CSMD2: variants seen among roughly 807,000 people sequenced by gnomAD.
CSMD2 encodes CUB and sushi domain-containing protein 2.
Under a neutral mutation model 398.5 loss-of-function variants are expected in CSMD2, and 130 were observed. The observed-to-expected ratio is 0.33, with a 90% CI of 0.28 to 0.38. The LOEUF is 0.38. Ranked by LOEUF, CSMD2 falls within the 10% of genes least tolerant of loss-of-function variation. The probability of loss-of-function intolerance (pLI) is 1.00; values close to 1 mark genes in which losing one functional copy is unlikely to be tolerated. For missense variants in CSMD2, 3,829 were observed against 4,764.9 expected, an observed-to-expected ratio of 0.80 and a Z score of 5.78; for synonymous variants, 1,828 against 1,908.5, an observed-to-expected ratio of 0.96 and a Z score of 1.10.
chr1:34,145,725 G>A (rs1639707394), intron 1 of CSMD2, among the ~76,000 whole-genome samples: 1 of 152,142 alleles, frequency 6.6e-6, no homozygotes, highest in Non-Finnish European at 1.5e-5. Flanking sequence ...GAGGCATTTA[G>A]GAGTCTTTTC....
chr1:33,656,259 G>C (rs1482319694), intron 27 of CSMD2, among the ~76,000 whole-genome samples: 2 of 152,180 alleles, frequency 1.3e-5, no homozygotes, highest in African/African-American at 4.8e-5. Context: ...TACCCTCAGA[G>C]ATAAGGAAAC....
intron 2 of CSMD2, among the ~76,000 whole-genome samples, chr1:34,066,868 G>A (rs1010008955): frequency 4.6e-5 from 7 of 152,200 alleles, no homozygotes; most frequent in Non-Finnish European, 1.0e-4. Context: ...CTGCAGCTGA[G>A]CAGGAATGGT....
At chr1:34,090,454 C>G (rs1658425758) in intron 1 of CSMD2, among the ~76,000 whole-genome samples, 1 of 152,178 alleles carries the variant, frequency 6.6e-6, no homozygotes, top group Non-Finnish European at 1.5e-5. Context: ...ACGTCATGAT[C>G]CAGGCCAGCC....
At position 34,077,218 on chromosome 1, in the gene CSMD2, G is replaced by T. The variant is rs894891586; in HGVS notation, c.404+11759C>A. On this transcript the variant is annotated intron_variant, in intron 2 of 70. Coordinates refer to ENST00000373381, the MANE Select transcript of CSMD2 (RefSeq NM_001281956.2). ...CACGCCTGTAATCCCAGCACTTTGG[G>T]AGGCCGAGGAGGGTGGATCACAAGG... is the stretch of plus-strand genomic sequence containing the variant. 6.0e-4 allele frequency among the ~76,000 whole-genome samples: 91 copies of T among 151,808 alleles called. 1 individual carries two copies. The highest frequency in any genetic ancestry group is 1.0e-3 in the Non-Finnish European group (69 of 67,952).
chr1:33,595,603 T>C (rs1310184452), intron 44 of CSMD2, among the ~76,000 whole-genome samples: 2 of 152,224 alleles, frequency 1.3e-5, no homozygotes, highest in African/African-American at 4.8e-5. Context: ...GTCACCACCA[T>C]TTGTTACTAT....
At chr1:33,560,058 G>A (rs1239329262) in intron 53 of CSMD2, among the ~76,000 whole-genome samples, 1 of 152,168 alleles carries the variant, frequency 6.6e-6, no homozygotes, top group African/African-American at 2.4e-5. Context: ...GGAGTAATGA[G>A]CTGGCATGTT....
At chr1:34,150,877 A>G (rs1440398962) in intron 1 of CSMD2, among the ~76,000 whole-genome samples, 6 of 152,272 alleles carry the variant, frequency 3.9e-5, no homozygotes, top group Middle Eastern at 3.4e-3. Context: ...ACATGATCAT[A>G]CCACTGCACT....
intron 5 of CSMD2, among the ~76,000 whole-genome samples, chr1:33,912,017 C>T (rs929233566): frequency 2.6e-5 from 4 of 152,174 alleles, no homozygotes; most frequent in East Asian, 1.9e-4. Flanking sequence ...GCATCCTTCT[C>T]GACCTGTCTC....
rs116117965 is a variant in CSMD2, at chr1:33,978,903, G to C, written c.518-42949C>G. Among the ~76,000 whole-genome samples, 721 of 152,270 alleles carry C rather than the reference G, an allele frequency of 4.7e-3. 7 individuals are homozygous for C. The highest frequency in any genetic ancestry group is 0.016 in the African/African-American group (683 of 41,542). On this transcript the variant is annotated intron_variant, in intron 3 of 70. Transcript: ENST00000373381. ...TCCTCTTAACAACTCCAAGAAGTGA[G>C]TACTATTGCCATCTCTATTTTACAG...
chr1:33,547,333 C>T (rs1166879756), intron 56 of CSMD2, among the ~76,000 whole-genome samples: 1 of 152,192 alleles, frequency 6.6e-6, no homozygotes, highest in African/African-American at 2.4e-5. Flanking sequence ...GTCCTTAGAT[C>T]AGACCAGGCC....
At chr1:33,954,461 T>C (rs938991418) in intron 3 of CSMD2, among the ~76,000 whole-genome samples, 19 of 151,924 alleles carry the variant, frequency 1.3e-4, no homozygotes, top group Middle Eastern at 3.4e-3. Context: ...AATTATACAA[T>C]TGAGGGTAGC....
intron 70 of CSMD2, among the ~76,000 whole-genome samples, chr1:33,517,358 C>T (rs536454874): frequency 6.6e-6 from 1 of 152,242 alleles, no homozygotes; most frequent in South Asian, 2.1e-4. Context: ...CCCCAGCCGA[C>T]CCGGAGGTGA....
intron 4 of CSMD2, among the ~76,000 whole-genome samples, chr1:33,927,785 GC>G (rs1303394389): frequency 2.0e-5 from 3 of 152,084 alleles, no homozygotes; most frequent in Non-Finnish European, 4.4e-5. Flanking sequence ...CTTCTCTTCT[GC>G]CTGGGGGCCT....
chr1:33,530,231 TA>T (rs1451585265), intron 64 of CSMD2, among the ~76,000 whole-genome samples: 2 of 148,854 alleles, frequency 1.3e-5, no homozygotes, highest in Non-Finnish European at 3.0e-5. Flanking sequence ...TAGAAGGAAC[TA>T]AAACAACTCG....
At chr1:34,111,128 G>A (rs556419503) in intron 1 of CSMD2, among the ~76,000 whole-genome samples, 14 of 152,164 alleles carry the variant, frequency 9.2e-5, no homozygotes, top group Admixed American at 1.3e-4. Context: ...TCACTGATGC[G>A]TCCCAAGTGC....
chr1:33,879,283 G>A (rs1173359849), intron 5 of CSMD2, among the ~76,000 whole-genome samples: 3 of 152,140 alleles, frequency 2.0e-5, no homozygotes, highest in Non-Finnish European at 4.4e-5. Flanking sequence ...CAGGAGCCAG[G>A]GATTTAGTCC....
intron 3 of CSMD2, among the ~76,000 whole-genome samples, chr1:34,004,513 C>T (rs1647000712): frequency 6.6e-6 from 1 of 152,068 alleles, no homozygotes; most frequent in Non-Finnish European, 1.5e-5. Context: ...TGTACATATA[C>T]TATATTTTCT....
intron 25 of CSMD2, among the ~76,000 whole-genome samples, chr1:33,676,670 G>A (rs1165004269): frequency 6.6e-6 from 1 of 152,128 alleles, no homozygotes; most frequent in Admixed American, 6.5e-5. Context: ...TAAGCCAAAA[G>A]AACAAAGCTG....
At chr1:33,534,731 C>T (rs913982720) in intron 62 of CSMD2, among the ~76,000 whole-genome samples, 2 of 152,240 alleles carry the variant, frequency 1.3e-5, no homozygotes, top group East Asian at 3.8e-4. Context: ...CCATGCTGAA[C>T]ACTTTTTTGT....
Sources: allele counts gnomAD v4.1 joint callset (sites outside exome capture counted in the v4.1 genomes callset), GRCh38; gene constraint gnomAD v4.1.1; transcripts MANE v1.5; gene names NCBI Gene and HGNC (gene_info 2026-07-23, HGNC 2026-07-21).